The following AGPAT4 variants were observed in gnomAD, a reference collection of about 807,000 sequenced individuals.
AGPAT4 encodes 1-acylglycerol-3-phosphate O-acyltransferase 4, also known as 1-acyl-sn-glycerol-3-phosphate acyltransferase delta.
In AGPAT4, 15 loss-of-function variants were observed where a neutral mutation model predicts 48.0. The observed-to-expected ratio is 0.31, with a 90% CI of 0.21 to 0.48. The LOEUF is 0.48. Ranked by LOEUF, AGPAT4 falls within the 20% of genes least tolerant of loss-of-function variation. The probability of loss-of-function intolerance (pLI) is 0.99; values close to 1 mark genes in which losing one functional copy is unlikely to be tolerated. For synonymous variants in AGPAT4, 178 were observed against 198.7 expected (o/e 0.90, Z 0.88); for missense variants, 314 against 482.5 (o/e 0.65, Z 3.27).
Position 161,158,863 on chromosome 6 carries a change from G to A in AGPAT4, c.349-4553C>T, listed in dbSNP as rs980820171. On this transcript the variant is annotated intron_variant, in intron 3 of 8. Coordinates refer to ENST00000320285, the MANE Select transcript of AGPAT4 (RefSeq NM_020133.3). The surrounding 1 kb of genome is among the most constrained non-coding windows in gnomAD (Gnocchi z 5.3). ...CAGCAGGGTATCCTGCTCCTGCACC[G>A]CCTCCACCCCCACTAACACCAGCAA... 2.6e-5 allele frequency among the ~76,000 whole-genome samples: 4 copies of A among 152,130 alleles called. No individual in the cohort carries two copies. Among genetic ancestry groups the A allele is most frequent in the Admixed American group, 6.5e-5 (1 of 15,272 alleles).
At position 161,149,142 on chromosome 6, in the gene AGPAT4, T is replaced by G. The variant is rs1459868226; in HGVS notation, c.767+45A>C. 1 of 1,597,290 alleles carries G rather than the reference T, an allele frequency of 6.3e-7. No individual in the cohort carries two copies. The highest frequency in any genetic ancestry group is 8.5e-7 in the Non-Finnish European group (1 of 1,173,422). On this transcript the variant is annotated intron_variant, in intron 6 of 8. Coordinates refer to ENST00000320285, the MANE Select transcript of AGPAT4 (RefSeq NM_020133.3). This position sits in a 1 kb window ranked among gnomAD's most constrained non-coding sequence, Gnocchi z 6.5. ...TAGGTCATTTGTGATGTGTTTACTT[T>G]GAAATGGGCACTGTCTTTTCTGGAA... is the stretch of plus-strand genomic sequence containing the variant.
chr6:161,258,955 C>A (rs1470308508), intron 1 of AGPAT4, among the ~76,000 whole-genome samples: 1 of 151,958 alleles, frequency 6.6e-6, no homozygotes, highest in Non-Finnish European at 1.5e-5. Flanking sequence ...CGCCACCAGG[C>A]CCAGCTAATT....
rs1430824698 is a variant in AGPAT4, at chr6:161,158,299, C to T, written c.349-3989G>A. Among the ~76,000 whole-genome samples, 1 of 152,150 alleles carries T rather than the reference C, an allele frequency of 6.6e-6. No individual in the cohort carries two copies. Among genetic ancestry groups the T allele is most frequent in the Admixed American group, 6.5e-5 (1 of 15,286 alleles). ...GCTTTCCCAGGCCACTCAGAGGCTTCCATGTGTGATGCCAACAGCTTTCAG... is the reference window on the plus strand; with the variant it reads ...GCTTTCCCAGGCCACTCAGAGGCTTTCATGTGTGATGCCAACAGCTTTCAG... On this transcript the variant is annotated intron_variant, in intron 3 of 8. Transcript: ENST00000320285. This position sits in a 1 kb window ranked among gnomAD's most constrained non-coding sequence, Gnocchi z 5.3.
At position 161,236,271 on chromosome 6, in the gene AGPAT4, G is replaced by GA. The variant is rs536877505; in HGVS notation, c.-89-3970dup. ...AGCTGCTGCTATGCCATATTTCTGC[G>GA]AAAAAAAAAAAGATGTTTCTTACTA... On this transcript the variant is annotated intron_variant, in intron 1 of 8. Transcript: ENST00000320285. This position sits in a 1 kb window ranked among gnomAD's most constrained non-coding sequence, Gnocchi z 5.0. 7.8e-3 allele frequency among the ~76,000 whole-genome samples: 1,094 copies of GA among 141,124 alleles called. 10 individuals are homozygous for GA. Among genetic ancestry groups the GA allele is most frequent in the African/African-American group, 0.027 (1,025 of 38,572 alleles). The allele number at this position is 141,124 out of a possible 152,430, so 92.6% of individuals were successfully genotyped here.
Position 161,136,943 on chromosome 6 carries a change from G to A in AGPAT4, c.1043-309C>T, listed in dbSNP as rs368236060. 1.1e-4 allele frequency among the ~76,000 whole-genome samples: 17 copies of A among 152,344 alleles called. No homozygotes were observed. In the East Asian group the frequency reaches 1.9e-3, roughly 17 times the overall value. On this transcript the variant is annotated intron_variant, in intron 8 of 8. Coordinates refer to ENST00000320285, the MANE Select transcript of AGPAT4 (RefSeq NM_020133.3). ...AGAGAAATCCCTGGCTTCCTCTGCT[G>A]ACCCCCAGGTAAAGAGGATTCTTTT...
rs556305669 is a variant in AGPAT4 at position 161,220,489 on chromosome 6, C to A, written c.178+11547G>T. On this transcript the variant is annotated intron_variant, in intron 2 of 8. Coordinates refer to ENST00000320285, the MANE Select transcript of AGPAT4 (RefSeq NM_020133.3). The surrounding 1 kb of genome is among the most constrained non-coding windows in gnomAD (Gnocchi z 6.0). ...CCTAGAAGTATATGGAACAACAGAA[C>A]GGATGGCCTTGGTGAGATGACTTCA... Among the ~76,000 whole-genome samples the A allele has an allele frequency of 1.3e-5, 2 of 152,176 alleles. No homozygotes were observed. Among genetic ancestry groups the A allele is most frequent in the Non-Finnish European group, 2.9e-5 (2 of 68,040 alleles).
Position 161,194,560 on chromosome 6 carries a change from GTGTGTA to G in AGPAT4, c.179-28149_179-28144del, listed in dbSNP as rs200026623. On this transcript the variant is annotated intron_variant, in intron 2 of 8. Transcript: ENST00000320285. ...TATGTGTGTATGTGTATGTGTGCAT[GTGTGTA>G]TGTGTATGTGTGTATATATGTGTAT... Among the ~76,000 whole-genome samples, 724 of 150,696 alleles carry G rather than the reference GTGTGTA, an allele frequency of 4.8e-3. 12 individuals carry two copies. Among genetic ancestry groups the G allele is most frequent in the African/African-American group, 0.017 (668 of 40,246 alleles).
Position 161,144,272 on chromosome 6 carries a change from C to A in AGPAT4, c.843+2252G>T. On this transcript the variant is annotated intron_variant, in intron 7 of 8. Coordinates refer to ENST00000320285, the MANE Select transcript of AGPAT4 (RefSeq NM_020133.3). This position sits in a 1 kb window ranked among gnomAD's most constrained non-coding sequence, Gnocchi z 6.6. ...AACTCGGTGTCGCCCCAGCCCTGCACGGAGAGAGAAAGGGCCTGGACTCCA... is the reference window on the plus strand; with the variant it reads ...AACTCGGTGTCGCCCCAGCCCTGCAAGGAGAGAGAAAGGGCCTGGACTCCA... The A allele has an allele frequency of 2.1e-6, 1 of 485,538 alleles. No homozygotes were observed. Among genetic ancestry groups the A allele is most frequent in the Non-Finnish European group, 4.2e-6 (1 of 236,266 alleles). 30.1% of individuals were successfully genotyped at this position (485,538 alleles called of 1,614,324 possible). A position where few individuals can be genotyped will look rare whatever the true frequency, so the allele number is the denominator to read the frequency against.
At position 161,233,112 on chromosome 6, in the gene AGPAT4, CACA is replaced by C. The variant is rs1442338865; in HGVS notation, c.-89-813_-89-811del. ...CACATAGACACACACACAAACACCA[CACA>C]CACACACACACACACACACACACAC... is the stretch of plus-strand genomic sequence containing the variant. On this transcript the variant is annotated intron_variant, in intron 1 of 8. Coordinates refer to ENST00000320285, the MANE Select transcript of AGPAT4 (RefSeq NM_020133.3). This position sits in a 1 kb window ranked among gnomAD's most constrained non-coding sequence, Gnocchi z 5.4. 4.1e-4 allele frequency among the ~76,000 whole-genome samples: 17 copies of C among 41,886 alleles called. No homozygotes were observed. The African/African-American group carries it at 4.9e-3, about 12-fold the overall frequency. 27.5% of individuals were successfully genotyped at this position (41,886 alleles called of 152,430 possible). A position where few individuals can be genotyped will look rare whatever the true frequency, so the allele number is the denominator to read the frequency against.
At chr6:161,258,489 TCA>T (rs767216949) in intron 1 of AGPAT4, among the ~76,000 whole-genome samples, 272 of 152,244 alleles carry the variant, frequency 1.8e-3, no homozygotes, top group Non-Finnish European at 2.6e-3. Flanking sequence ...ATGTCTTGAA[TCA>T]TAAGACAAGC....
chr6:161,258,898 G>A (rs933008494), intron 1 of AGPAT4, among the ~76,000 whole-genome samples: 25 of 151,676 alleles, frequency 1.6e-4, no homozygotes, highest in African/African-American at 6.1e-4. Flanking sequence ...CCAGGTTCAA[G>A]AGATTCTCAT....
Position 161,255,595 on chromosome 6 carries a change from CAT to C in AGPAT4, c.-90+18341_-90+18342del, listed in dbSNP as rs1039713023. On this transcript the variant is annotated intron_variant, in intron 1 of 8. Coordinates refer to ENST00000320285, the MANE Select transcript of AGPAT4 (RefSeq NM_020133.3). This position sits in a 1 kb window ranked among gnomAD's most constrained non-coding sequence, Gnocchi z 4.7. ...CTACAACATGAATGAACCTCAAAAA[CAT>C]GTTATATGAAAGAAACCCGTCACAA... 3.3e-5 allele frequency among the ~76,000 whole-genome samples: 5 copies of C among 152,078 alleles called. No homozygotes were observed. Among genetic ancestry groups the C allele is most frequent in the Non-Finnish European group, 5.9e-5 (4 of 68,010 alleles).
In AGPAT4 at chr6:161,138,261, TA is replaced by T; in HGVS notation, c.1042+1160del. The stretch of plus-strand genomic sequence containing the variant: ...GTTTTAATATTTTAATTTTTAACAC[TA>T]AAATACATCTTAATCTTTCAAAAGA... On this transcript the variant is annotated intron_variant, in intron 8 of 8. Coordinates refer to ENST00000320285, the MANE Select transcript of AGPAT4 (RefSeq NM_020133.3). This position sits in a 1 kb window ranked among gnomAD's most constrained non-coding sequence, Gnocchi z 4.8. Among the ~76,000 whole-genome samples, 1 of 152,200 alleles carries T rather than the reference TA, an allele frequency of 6.6e-6. No individual in the cohort carries two copies. The highest frequency in any genetic ancestry group is 1.5e-5 in the Non-Finnish European group (1 of 68,014).
intron 2 of AGPAT4, among the ~76,000 whole-genome samples, chr6:161,176,055 A>G (rs1382484474): frequency 6.6e-6 from 1 of 152,196 alleles, no homozygotes; most frequent in Non-Finnish European, 1.5e-5. Flanking sequence ...CTTTACTTCC[A>G]ACTATGTGGT....
rs1435163246 is a variant in AGPAT4, at chr6:161,137,038, G to T, written c.1043-404C>A. Among the ~76,000 whole-genome samples the T allele has an allele frequency of 1.3e-5, 2 of 152,222 alleles. No homozygotes were observed. Among genetic ancestry groups the T allele is most frequent in the African/African-American group, 4.8e-5 (2 of 41,450 alleles). On this transcript the variant is annotated intron_variant, in intron 8 of 8. Coordinates refer to ENST00000320285, the MANE Select transcript of AGPAT4 (RefSeq NM_020133.3). The surrounding 1 kb of genome is among the most constrained non-coding windows in gnomAD (Gnocchi z 6.1). ...TTATAAAGAACAGACCAGGAGCCTG[G>T]AAGACGCAAGAGCTCGAGTATCGAG... is the stretch of plus-strand genomic sequence containing the variant.
intron 2 of AGPAT4, among the ~76,000 whole-genome samples, chr6:161,187,528 T>TATTA (rs1395748188): frequency 2.0e-5 from 3 of 151,144 alleles, no homozygotes; most frequent in Admixed American, 2.0e-4. Flanking sequence ...TTTATTTATT[T>TATTA]ATTTATTTAT....
chr6:161,260,865 G>T (rs1783081490), intron 1 of AGPAT4, among the ~76,000 whole-genome samples: 1 of 151,972 alleles, frequency 6.6e-6, no homozygotes, highest in African/African-American at 2.4e-5. Context: ...TTCCGGCCTG[G>T]GTGACAAAGT....
rs769477497 is a variant in AGPAT4, at chr6:161,154,102, A to C, written c.510+47T>G. ...AGTCACATGGGGGTCCCACGGTCAC[A>C]GTCCTGCAGGAGCCCTTGGGACACA... is the stretch of plus-strand genomic sequence containing the variant. On this transcript the variant is annotated intron_variant, in intron 4 of 8. Transcript: ENST00000320285. The surrounding 1 kb of genome is among the most constrained non-coding windows in gnomAD (Gnocchi z 7.8). The C allele has an allele frequency of 6.2e-7, 1 of 1,612,536 alleles. No individual in the cohort carries two copies. The highest frequency in any genetic ancestry group is 8.5e-7 in the Non-Finnish European group (1 of 1,179,318).
At position 161,197,552 on chromosome 6, in the gene AGPAT4, G is replaced by A. The variant is rs185541259; in HGVS notation, c.179-31135C>T. On this transcript the variant is annotated intron_variant, in intron 2 of 8. Transcript: ENST00000320285. The surrounding 1 kb of genome is among the most constrained non-coding windows in gnomAD (Gnocchi z 5.7). The stretch of plus-strand genomic sequence containing the variant: ...TGCCTCAGCCCTCTAGGAATGTACC[G>A]ACTGATGTACGCATTACTCCTGGGG... 2.0e-5 allele frequency among the ~76,000 whole-genome samples: 3 copies of A among 152,216 alleles called. No individual in the cohort carries two copies. The highest frequency in any genetic ancestry group is 1.9e-4 in the East Asian group (1 of 5,172).
Sources: allele counts gnomAD v4.1 joint callset (sites outside exome capture counted in the v4.1 genomes callset), GRCh38; gene constraint gnomAD v4.1.1; non-coding constraint Gnocchi (gnomAD v3.1); transcripts MANE v1.5; gene names NCBI Gene and HGNC (gene_info 2026-07-23, HGNC 2026-07-21).